The following ATP11B variants were observed in gnomAD, a reference collection of about 807,000 sequenced individuals.
The protein encoded by ATP11B is phospholipid-transporting ATPase IF.
A neutral mutation model predicts 157.8 loss-of-function variants in ATP11B; 81 were observed. That is an observed-to-expected ratio of 0.51 (90% CI 0.43 to 0.62). ATP11B has a LOEUF of 0.62. Ranked by LOEUF, ATP11B falls within the 20% of genes least tolerant of loss-of-function variation. The pLI, the probability that ATP11B is intolerant of heterozygous loss-of-function variation, is 0.00. For missense variants in ATP11B, 1,165 were observed against 1,402.2 expected (o/e 0.83, Z 2.70); for synonymous variants, 451 against 469.4 (o/e 0.96, Z 0.51).
rs910215458 is a variant in ATP11B, at chr3:182,793,680, C to T, written c.-80C>T. The T allele has an allele frequency of 6.1e-6, 6 of 991,612 alleles. No homozygotes were observed. The African/African-American group carries it at 1.0e-4, about 17-fold the overall frequency. 61.4% of individuals were successfully genotyped at this position (991,612 alleles called of 1,614,324 possible). On this transcript the variant is annotated 5_prime_UTR_variant, in exon 1 of 30. Transcript: ENST00000323116. ...CTTCGGCCCGAGGGGCTCGCCCGCTCCCGCCTCTGTCTTGTCGGCCTCCAC... is the reference window on the plus strand; with the variant it reads ...CTTCGGCCCGAGGGGCTCGCCCGCTTCCGCCTCTGTCTTGTCGGCCTCCAC...
At chr3:182,828,541 A>G (rs1318471988) in intron 3 of ATP11B, among the ~76,000 whole-genome samples, 4 of 152,014 alleles carry the variant, frequency 2.6e-5, no homozygotes, top group African/African-American at 9.7e-5. Context: ...TATATAGTTC[A>G]TATTTTCGGT....
chr3:182,851,043 A>G (rs1719937937), intron 10 of ATP11B, among the ~76,000 whole-genome samples: 1 of 152,232 alleles, frequency 6.6e-6, no homozygotes. Context: ...CCGTAATCCC[A>G]GCACTTTGGG....
chr3:182,910,326 G>A (rs1363608150), intron 28 of ATP11B, among the ~76,000 whole-genome samples: 4 of 150,728 alleles, frequency 2.7e-5, no homozygotes, highest in South Asian at 4.2e-4. Context: ...CTGTAATCCC[G>A]GCACTTTGAG....
chr3:182,820,463 C>T (rs977776698), intron 2 of ATP11B, 87 bp downstream of exon 2: 21 of 903,164 alleles, frequency 2.3e-5, no homozygotes, highest in Admixed American at 5.6e-5. Context: ...GCGAGAGGAT[C>T]GGTTAAGCCC....
intron 5 of ATP11B, 49 bp from the exon 6 acceptor site, chr3:182,836,293 C>A: frequency 6.2e-7 from 1 of 1,609,432 alleles, no homozygotes; most frequent in Non-Finnish European, 8.5e-7. Context: ...AAAGTAAGTC[C>A]TTGCCTTTTA....
At position 182,881,382 on chromosome 3, in the gene ATP11B, C is replaced by T. The variant is rs1308761910; in HGVS notation, c.2509+401C>T. Among the ~76,000 whole-genome samples the T allele has an allele frequency of 5.3e-5, 8 of 150,210 alleles. No individual in the cohort carries two copies. In the South Asian group the frequency reaches 1.5e-3, roughly 28 times the overall value. On this transcript the variant is annotated intron_variant, in intron 21 of 29. Coordinates refer to ENST00000323116, the MANE Select transcript of ATP11B (RefSeq NM_014616.3). Reference sequence around the variant, plus strand: ...CCGGGAGGCAGAGGTTGCAGTGAGCCGAGGCTGAGGCAGGAGAATTGCTTG... The same window carrying T: ...CCGGGAGGCAGAGGTTGCAGTGAGCTGAGGCTGAGGCAGGAGAATTGCTTG...
chr3:182,895,607 A>G (rs918969606), intron 25 of ATP11B, among the ~76,000 whole-genome samples: 1 of 152,134 alleles, frequency 6.6e-6, no homozygotes, highest in African/African-American at 2.4e-5. Flanking sequence ...TTTGGAAGGG[A>G]AGGTGAGAGT....
chr3:182,885,080 G>C (rs1287178766), intron 22 of ATP11B, among the ~76,000 whole-genome samples, 182 bp downstream of exon 22: 1 of 152,062 alleles, frequency 6.6e-6, no homozygotes, highest in Non-Finnish European at 1.5e-5. Context: ...GGGCCCAGGG[G>C]TTCCATGCAA....
chr3:182,859,140 AC>A, intron 11 of ATP11B, 21 bp from the exon 12 acceptor site: 1 of 1,552,272 alleles, frequency 6.4e-7, no homozygotes, highest in Non-Finnish European at 8.8e-7. Context: ...TTCTTTTCAA[AC>A]AATTATTTCC....
intron 19 of ATP11B, 120 bp downstream of exon 19, chr3:182,874,135 T>C (rs1385657073): frequency 3.9e-6 from 3 of 771,148 alleles, no homozygotes; most frequent in Non-Finnish European, 6.1e-6. Context: ...TAAAAGTAGT[T>C]TTTACATTTT....
At chr3:182,909,402 C>T (rs547190347) in intron 28 of ATP11B, among the ~76,000 whole-genome samples, 1 of 152,182 alleles carries the variant, frequency 6.6e-6, no homozygotes, top group Admixed American at 6.5e-5. Flanking sequence ...ATCACAACTT[C>T]TAGTAAATTA....
chr3:182,793,930 C>T (rs1715416474), intron 1 of ATP11B, 144 bp downstream of exon 1: 2 of 432,650 alleles, frequency 4.6e-6, no homozygotes, highest in Admixed American at 4.9e-5. Flanking sequence ...GGGCGCGGGG[C>T]CCAGAGCCGG....
chr3:182,834,272 G>A (rs529512768), intron 4 of ATP11B, among the ~76,000 whole-genome samples: 3 of 152,194 alleles, frequency 2.0e-5, no homozygotes, highest in East Asian at 3.9e-4. Flanking sequence ...TTCCCACAAG[G>A]TTTCCATCTG....
intron 19 of ATP11B, among the ~76,000 whole-genome samples, chr3:182,877,333 G>A (rs1299016478): frequency 3.3e-5 from 5 of 152,118 alleles, no homozygotes; most frequent in Non-Finnish European, 5.9e-5. Context: ...AGAAGCAAAC[G>A]GGAGGCTGGG....
rs555930907 is a variant in ATP11B at position 182,887,818 on chromosome 3, T to C, written c.2843+105T>C. The stretch of plus-strand genomic sequence containing the variant: ...TAATGCTTTACTAAGGAAAGTTCTT[T>C]AGTTGTCGTATGATTTACAGTTGTT... On this transcript the variant is annotated intron_variant, in intron 24 of 29. Transcript: ENST00000323116. The C allele has an allele frequency of 2.9e-5, 35 of 1,195,418 alleles. No individual in the cohort carries two copies. The East Asian group carries it at 8.5e-4, about 29-fold the overall frequency. The allele number at this position is 1,195,418 out of a possible 1,614,324, so 74.1% of individuals were successfully genotyped here.
chr3:182,916,582 G>C (rs1490146581), intron 29 of ATP11B: 12 of 985,148 alleles, frequency 1.2e-5, no homozygotes, highest in Non-Finnish European at 1.4e-5. Context: ...AAGATTTTCT[G>C]TTCGTGTATT....
chr3:182,857,777 CTA>C (rs1720523569), intron 10 of ATP11B, 99 bp from the exon 11 acceptor site: 1 of 683,326 alleles, frequency 1.5e-6, no homozygotes, highest in Non-Finnish European at 2.4e-6. Flanking sequence ...GTAATACCCT[CTA>C]TGTTTTAATA....
intron 18 of ATP11B, among the ~76,000 whole-genome samples, chr3:182,873,455 A>T (rs555364066): frequency 9.2e-5 from 14 of 152,332 alleles, no homozygotes; most frequent in African/African-American, 3.1e-4. Flanking sequence ...ATTTTTTTAA[A>T]TCAAAACAAA....
intron 8 of ATP11B, among the ~76,000 whole-genome samples, chr3:182,844,864 A>G (rs1296951467): frequency 6.6e-6 from 1 of 151,820 alleles, no homozygotes; most frequent in African/African-American, 2.4e-5. Context: ...TATGTTTAAA[A>G]TTTTGAAACT....
Sources: gnomAD v4.1 joint callset for allele counts (sites outside exome capture counted in the v4.1 genomes callset) on GRCh38, gnomAD v4.1.1 for gene constraint, MANE v1.5 for transcripts, NCBI Gene and HGNC (gene_info 2026-07-23, HGNC 2026-07-21) for gene names.